Variants in ZFP2 observed in about 807,000 individuals in gnomAD.
The protein encoded by ZFP2 is zinc finger protein ZFP2.
ZFP2 carries 33 observed loss-of-function variants against 36.1 expected under a neutral mutation model. The ratio of observed to expected loss-of-function variants is 0.92; its 90% CI spans 0.69 to 1.22. The LOEUF (loss-of-function observed/expected upper bound fraction) is 1.22. ZFP2 is among the 50% of genes most tolerant of loss of function. ZFP2 has a pLI of 0.00. For synonymous variants in ZFP2, 170 were observed against 178.0 expected, an observed-to-expected ratio of 0.96 and a Z score of 0.36; for missense variants, 522 against 551.4, an observed-to-expected ratio of 0.95 and a Z score of 0.53.
chr5:178,914,707 A>G (rs1758381519), intron 3 of ZFP2, among the ~76,000 whole-genome samples: 2 of 152,200 alleles, frequency 1.3e-5, no homozygotes, highest in African/African-American at 4.8e-5. Flanking sequence ...GGAAATGAAT[A>G]TAACACAGTG....
At chr5:178,901,054 C>G (rs1296460176) in intron 1 of ZFP2, among the ~76,000 whole-genome samples, 2 of 152,084 alleles carry the variant, frequency 1.3e-5, no homozygotes, top group Non-Finnish European at 2.9e-5. Flanking sequence ...AATATACCAC[C>G]TTTTGTTCAT....
chr5:178,907,744 A>G (rs1758196481), intron 1 of ZFP2, among the ~76,000 whole-genome samples: 1 of 152,204 alleles, frequency 6.6e-6, no homozygotes, highest in Non-Finnish European at 1.5e-5. Flanking sequence ...AAGGCAAACG[A>G]AACAAACAAA....
intron 1 of ZFP2, chr5:178,909,917 G>A (rs1758254447): frequency 1.3e-6 from 2 of 1,484,954 alleles, no homozygotes; most frequent in Non-Finnish European, 1.9e-6. Flanking sequence ...AGATGCCCTT[G>A]ATCCTCAAGG....
intron 1 of ZFP2, among the ~76,000 whole-genome samples, chr5:178,899,142 T>C (rs1278911156): frequency 6.6e-6 from 1 of 152,008 alleles, no homozygotes; most frequent in African/African-American, 2.4e-5. Context: ...GGATTTGTTA[T>C]AAGGGAGTCA....
Position 178,932,970 on chromosome 5 carries a change from C to G in ZFP2, c.*271C>G, listed in dbSNP as rs986836418. 3.0e-6 allele frequency: 1 copy of G among 333,776 alleles called. No homozygotes were observed. Among genetic ancestry groups the G allele is most frequent in the Non-Finnish European group, 5.7e-6 (1 of 175,958 alleles). 20.7% of individuals were successfully genotyped at this position (333,776 alleles called of 1,614,324 possible). On this transcript the variant is annotated 3_prime_UTR_variant, in exon 5 of 5. Coordinates refer to ENST00000361362, the MANE Select transcript of ZFP2 (RefSeq NM_030613.4). ...GAAGATAAGTTCTGTTATATCATAC[C>G]GCACATTCTCCTTTGGCTATCAGAG...
intron 4 of ZFP2, chr5:178,922,614 C>T: frequency 6.3e-7 from 1 of 1,581,104 alleles, no homozygotes; most frequent in Non-Finnish European, 8.7e-7. Flanking sequence ...GCAGGTATGG[C>T]CCATCTCCTG....
Position 178,932,878 on chromosome 5 carries a change from C to A in ZFP2, c.*179C>A. 1 of 787,998 alleles carries A rather than the reference C, an allele frequency of 1.3e-6. No homozygotes were observed. The highest frequency in any genetic ancestry group is 1.9e-6 in the Non-Finnish European group (1 of 525,526). The allele number at this position is 787,998 out of a possible 1,614,324, so 48.8% of individuals were successfully genotyped here. A position where few individuals can be genotyped will look rare whatever the true frequency, so the allele number is the denominator to read the frequency against. On this transcript the variant is annotated 3_prime_UTR_variant, in exon 5 of 5. Transcript: ENST00000361362. The stretch of plus-strand genomic sequence containing the variant: ...ATCTAAAAGTAGAGAAATCTTGATT[C>A]AGAATGTATAATTTCCTTTATATCA...
intron 1 of ZFP2, among the ~76,000 whole-genome samples, chr5:178,909,288 C>T (rs538749934): frequency 2.0e-5 from 3 of 152,340 alleles, no homozygotes; most frequent in South Asian, 4.1e-4. Flanking sequence ...ACTAGAAGAA[C>T]GTGTTTCCCA....
intron 3 of ZFP2, among the ~76,000 whole-genome samples, chr5:178,914,548 A>C (rs1758378148): frequency 6.6e-6 from 1 of 152,168 alleles, no homozygotes; most frequent in Non-Finnish European, 1.5e-5. Context: ...TATTCAACAA[A>C]TATCTATTGA....
Position 178,912,637 on chromosome 5 carries a change from G to C in ZFP2, c.-396G>C, listed in dbSNP as rs1758320853. The C allele has an allele frequency of 9.5e-7, 1 of 1,052,990 alleles. No individual in the cohort carries two copies. Among genetic ancestry groups the C allele is most frequent in the African/African-American group, 1.7e-5 (1 of 59,206 alleles). 65.2% of individuals were successfully genotyped at this position (1,052,990 alleles called of 1,614,324 possible). The stretch of plus-strand genomic sequence containing the variant: ...TGTCCATAGATTTCTCTTGGGAAGA[G>C]TGGATTCAAGCAGATTCTGCTCAGA... On this transcript the variant is annotated 5_prime_UTR_variant, in exon 2 of 5. Coordinates refer to ENST00000361362, the MANE Select transcript of ZFP2 (RefSeq NM_030613.4).
chr5:178,924,363 ACT>A (rs1459865343), intron 4 of ZFP2, among the ~76,000 whole-genome samples: 1 of 86,450 alleles, frequency 1.2e-5, no homozygotes, highest in Non-Finnish European at 2.5e-5. Flanking sequence ...ACAGAGAGAG[ACT>A]CTGTCTCAAA....
At chr5:178,912,826 G>A (rs1190664299) in intron 2 of ZFP2, 107 bp downstream of exon 2, 1 of 929,578 alleles carries the variant, frequency 1.1e-6, no homozygotes, top group Non-Finnish European at 1.3e-6. Context: ...CAAGGCAGAA[G>A]ATTGAAATTT....
intron 4 of ZFP2, among the ~76,000 whole-genome samples, chr5:178,917,834 A>G (rs906836465): frequency 6.6e-5 from 10 of 152,232 alleles, no homozygotes; most frequent in Non-Finnish European, 1.3e-4. Flanking sequence ...CTAAAATACT[A>G]TAATGAATGT....
chr5:178,919,613 G>C (rs994073201), intron 4 of ZFP2, among the ~76,000 whole-genome samples: 1 of 152,112 alleles, frequency 6.6e-6, no homozygotes, highest in Non-Finnish European at 1.5e-5. Context: ...CCACCAAGTA[G>C]TGTATCAATT....
intron 1 of ZFP2, among the ~76,000 whole-genome samples, chr5:178,904,656 G>A (rs923501896): frequency 2.1e-5 from 3 of 142,664 alleles, no homozygotes; most frequent in African/African-American, 7.8e-5. Context: ...TTCTGTTGTA[G>A]TACCACACTA....
chr5:178,913,531 C>G (rs1758347689), intron 3 of ZFP2, among the ~76,000 whole-genome samples: 1 of 152,224 alleles, frequency 6.6e-6, no homozygotes, highest in African/African-American at 2.4e-5. Context: ...TTCTCTTCCT[C>G]TGCATTGTGT....
In ZFP2 at chr5:178,927,669, G is replaced by A. The variant is rs1284201215; in HGVS notation, c.-77-3568G>A. ...ACACCATCATACCTGGCCAATGTGT[G>A]TGTGTGTGTGTGTGTGTGTGTGTGT... is the stretch of plus-strand genomic sequence containing the variant. On this transcript the variant is annotated intron_variant, in intron 4 of 4. Transcript: ENST00000361362. Among the ~76,000 whole-genome samples, 927 of 67,350 alleles carry A rather than the reference G, an allele frequency of 0.014. 46 individuals are homozygous for A. In the East Asian group the frequency reaches 0.19, roughly 14 times the overall value. The allele number at this position is 67,350 out of a possible 152,430, so 44.2% of individuals were successfully genotyped here.
chr5:178,931,233 T>C lies in ZFP2; in HGVS notation c.-77-4T>C, dbSNP rs76480974. ...TGTGCATTTGAATTTTTTTTTTTTT[T>C]CAGACTGGGAGACAAGACTTGAAAC... is the stretch of plus-strand genomic sequence containing the variant. On this transcript the variant is annotated splice_polypyrimidine_tract_variant and splice_region_variant and intron_variant, in intron 4 of 4. Transcript: ENST00000361362. 2 of 1,498,608 alleles carry C rather than the reference T, an allele frequency of 1.3e-6. No homozygotes were observed. The highest frequency in any genetic ancestry group is 1.8e-6 in the Non-Finnish European group (2 of 1,128,044). 92.8% of individuals were successfully genotyped at this position (1,498,608 alleles called of 1,614,324 possible).
Position 178,922,415 on chromosome 5 carries a change from A to C in ZFP2, c.-78+5705A>C, listed in dbSNP as rs575501256. 68 of 1,335,314 alleles carry C rather than the reference A, an allele frequency of 5.1e-5. 2 individuals are homozygous for C. In the South Asian group the frequency reaches 6.3e-4, roughly 12 times the overall value. 82.7% of individuals were successfully genotyped at this position (1,335,314 alleles called of 1,614,324 possible). A position where few individuals can be genotyped will look rare whatever the true frequency, so the allele number is the denominator to read the frequency against. Reference sequence around the variant, plus strand: ...ATTGGAAACATTTTTATTTGCAGTTATTTTGTCTACTTTTACTATTGTGCC... The same window carrying C: ...ATTGGAAACATTTTTATTTGCAGTTCTTTTGTCTACTTTTACTATTGTGCC... On this transcript the variant is annotated intron_variant, in intron 4 of 4. Transcript: ENST00000361362.
Sources: gnomAD v4.1 joint callset for allele counts (sites outside exome capture counted in the v4.1 genomes callset) on GRCh38, gnomAD v4.1.1 for gene constraint, MANE v1.5 for transcripts, NCBI Gene and HGNC (gene_info 2026-07-23, HGNC 2026-07-21) for gene names.